The following NXPH1 variants were observed in gnomAD, a reference collection of about 807,000 sequenced individuals.
The protein encoded by NXPH1 is neurexophilin-1.
NXPH1 carries 5 observed loss-of-function variants against 23.7 expected under a neutral mutation model. The ratio of observed to expected loss-of-function variants is 0.21; its 90% CI spans 0.11 to 0.44. The LOEUF (loss-of-function observed/expected upper bound fraction) is 0.44, where lower values mean the gene tolerates loss of function less well. Among genes scored for constraint, NXPH1 ranks in the 20% least tolerant of loss-of-function variants. The pLI, the probability that NXPH1 is intolerant of heterozygous loss-of-function variation, is 0.99. For missense variants in NXPH1, 324 were observed against 321.6 expected (o/e 1.01, Z -0.06); for synonymous variants, 144 against 122.2 (o/e 1.18, Z -1.18).
At chr7:8,564,187 T>G (rs1453039250) in intron 2 of NXPH1, among the ~76,000 whole-genome samples, 1 of 151,824 alleles carries the variant, frequency 6.6e-6, no homozygotes, top group East Asian at 1.9e-4. Context: ...CTGATGGGGC[T>G]GCATAGTTTT....
At chr7:8,608,282 G>T (rs538098647) in intron 2 of NXPH1, among the ~76,000 whole-genome samples, 1 of 151,830 alleles carries the variant, frequency 6.6e-6, no homozygotes, top group Non-Finnish European at 1.5e-5. Context: ...TGGAAGTCTT[G>T]AAAGTCCAAG....
At chr7:8,737,078 C>T (rs1780271995) in intron 2 of NXPH1, among the ~76,000 whole-genome samples, 1 of 151,964 alleles carries the variant, frequency 6.6e-6, no homozygotes, top group South Asian at 2.1e-4. Flanking sequence ...AGTCTTAACT[C>T]TATCCAATTT....
chr7:8,515,008 A>G (rs1226138378), intron 2 of NXPH1, among the ~76,000 whole-genome samples: 1 of 152,148 alleles, frequency 6.6e-6, no homozygotes, highest in Non-Finnish European at 1.5e-5. Flanking sequence ...AAAGAACATT[A>G]GAATAAACAG....
At chr7:8,498,249 C>T (rs1354928125) in intron 2 of NXPH1, among the ~76,000 whole-genome samples, 1 of 151,974 alleles carries the variant, frequency 6.6e-6, no homozygotes, top group African/African-American at 2.4e-5. Flanking sequence ...ATTATCATAC[C>T]TGTCAACCAG....
chr7:8,680,270 G>T (rs28415512), intron 2 of NXPH1, among the ~76,000 whole-genome samples: 12,348 of 152,298 alleles, frequency 0.081, 787 homozygotes, highest in East Asian at 0.25. Flanking sequence ...GAGTTTGCTG[G>T]TGGTGAATCG....
At chr7:8,486,401 TA>T (rs1312474031) in intron 2 of NXPH1, among the ~76,000 whole-genome samples, 1 of 152,200 alleles carries the variant, frequency 6.6e-6, no homozygotes, top group Admixed American at 6.6e-5. Flanking sequence ...CTGCAGCAGA[TA>T]AAGGCTGGCC....
Position 8,435,919 on chromosome 7 carries a change from G to T in NXPH1, c.54+152G>T, listed in dbSNP as rs981946777. Among the ~76,000 whole-genome samples, 3 of 152,204 alleles carry T rather than the reference G, an allele frequency of 2.0e-5. No homozygotes were observed. Among genetic ancestry groups the T allele is most frequent in the African/African-American group, 7.2e-5 (3 of 41,460 alleles). ...AGCAACTTTGGCAAGCTGGTCTCTG[G>T]ATTCCTGCGGATTTTCCGGGGTTCC... is the stretch of plus-strand genomic sequence containing the variant. On this transcript the variant is annotated intron_variant, in intron 2 of 2. Transcript: ENST00000405863. The surrounding 1 kb of genome is among the most constrained non-coding windows in gnomAD (Gnocchi z 5.9).
At chr7:8,701,633 AT>A (rs1490321668) in intron 2 of NXPH1, among the ~76,000 whole-genome samples, 1 of 152,120 alleles carries the variant, frequency 6.6e-6, no homozygotes, top group Admixed American at 6.6e-5. Flanking sequence ...TTCAGGTAAA[AT>A]TAAGTGTTCT....
chr7:8,455,796 C>T (rs1363180545), intron 2 of NXPH1, among the ~76,000 whole-genome samples: 1 of 152,176 alleles, frequency 6.6e-6, no homozygotes, highest in East Asian at 1.9e-4. Context: ...AGCCACTAGC[C>T]TATAAAATAT....
intron 2 of NXPH1, among the ~76,000 whole-genome samples, chr7:8,503,517 A>T (rs1817472396): frequency 6.6e-6 from 1 of 151,972 alleles, no homozygotes. Flanking sequence ...TATTTAGCAC[A>T]AAGTTTTCTT....
At chr7:8,714,763 C>T (rs1779850557) in intron 2 of NXPH1, among the ~76,000 whole-genome samples, 1 of 152,098 alleles carries the variant, frequency 6.6e-6, no homozygotes, top group Non-Finnish European at 1.5e-5. Context: ...GAATTGGGGC[C>T]TCACAACTCT....
chr7:8,749,166 TA>T (rs1329717810), intron 2 of NXPH1, among the ~76,000 whole-genome samples: 1 of 152,228 alleles, frequency 6.6e-6, no homozygotes, highest in Non-Finnish European at 1.5e-5. Flanking sequence ...ATCAGCTTAG[TA>T]TTCACAATAA....
At position 8,663,604 on chromosome 7, in the gene NXPH1, G is replaced by C. The variant is rs140116197; in HGVS notation, c.55-87404G>C. On this transcript the variant is annotated intron_variant, in intron 2 of 2. Transcript: ENST00000405863. ...TAAAATTGTTAAAGGTTTCTCAATT[G>C]CCAAAATATAAAGATATCCCCTTAC... Among the ~76,000 whole-genome samples the C allele has an allele frequency of 1.0e-3, 155 of 152,148 alleles. 3 individuals carry two copies. Among genetic ancestry groups the C allele is most frequent in the African/African-American group, 3.6e-3 (151 of 41,544 alleles).
chr7:8,471,142 A>T lies in NXPH1; in HGVS notation c.54+35375A>T, dbSNP rs2349483. Among the ~76,000 whole-genome samples the T allele has an allele frequency of 8.0e-3, 1,221 of 152,264 alleles. 16 individuals carry two copies. The highest frequency in any genetic ancestry group is 0.027 in the African/African-American group (1,131 of 41,572). ...GTAGGCCTGGTTTTACCCAAATTGC[A>T]TTTGAATGACTTATGTGGAACTGCC... is the stretch of plus-strand genomic sequence containing the variant. On this transcript the variant is annotated intron_variant, in intron 2 of 2. Coordinates refer to ENST00000405863, the MANE Select transcript of NXPH1 (RefSeq NM_152745.3).
chr7:8,478,736 G>A (rs752228971), intron 2 of NXPH1, among the ~76,000 whole-genome samples: 4 of 152,206 alleles, frequency 2.6e-5, no homozygotes, highest in African/African-American at 7.2e-5. Context: ...AAGGCCATTT[G>A]AGCATATTGA....
At chr7:8,750,216 A>G (rs1038728119) in intron 2 of NXPH1, among the ~76,000 whole-genome samples, 7 of 152,246 alleles carry the variant, frequency 4.6e-5, no homozygotes, top group Non-Finnish European at 1.0e-4. Context: ...AAAATATACC[A>G]GAGTCTCTTT....
At chr7:8,481,719 T>A (rs1817075761) in intron 2 of NXPH1, among the ~76,000 whole-genome samples, 1 of 152,196 alleles carries the variant, frequency 6.6e-6, no homozygotes, top group African/African-American at 2.4e-5. Context: ...CATATGCAGG[T>A]TTGTTACCTG....
At chr7:8,643,642 C>T (rs1038192064) in intron 2 of NXPH1, among the ~76,000 whole-genome samples, 4 of 152,008 alleles carry the variant, frequency 2.6e-5, no homozygotes, top group African/African-American at 9.7e-5. Context: ...ATATATAATA[C>T]GAACAAGATT....
At chr7:8,617,302 G>C (rs891744475) in intron 2 of NXPH1, among the ~76,000 whole-genome samples, 7 of 151,826 alleles carry the variant, frequency 4.6e-5, no homozygotes, top group Non-Finnish European at 1.5e-5. Context: ...TGAGAAAGTG[G>C]GTATTTCCTA....
Sources: gnomAD v4.1 joint callset for allele counts (sites outside exome capture counted in the v4.1 genomes callset) on GRCh38, gnomAD v4.1.1 for gene constraint, Gnocchi (gnomAD v3.1) non-coding constraint, MANE v1.5 for transcripts, NCBI Gene and HGNC (gene_info 2026-07-23, HGNC 2026-07-21) for gene names.